The following CACHD1 variants were observed in gnomAD, a reference collection of about 807,000 sequenced individuals.
The protein encoded by CACHD1 is cache domain containing 1, also known as VWFA and cache domain-containing protein 1.
Under a neutral mutation model 138.7 loss-of-function variants are expected in CACHD1, and 71 were observed. The ratio of observed to expected loss-of-function variants is 0.51; its 90% CI spans 0.42 to 0.62. The LOEUF is 0.62. Among genes scored for constraint, CACHD1 ranks in the 20% least tolerant of loss-of-function variants. The pLI, the probability that CACHD1 is intolerant of heterozygous loss-of-function variation, is 0.00. For missense variants in CACHD1, 1,389 were observed against 1,625.3 expected (o/e 0.85, Z 2.50); for synonymous variants, 578 against 591.5 (o/e 0.98, Z 0.33).
At chr1:64,653,386 TAA>T (rs60661882) in intron 10 of CACHD1, among the ~76,000 whole-genome samples, 1,212 of 108,430 alleles carry the variant, frequency 0.011, 14 homozygotes, top group African/African-American at 0.031. Flanking sequence ...TAAAAGAAGT[TAA>T]AAAAAAAAAA....
chr1:64,679,720 C>T lies in CACHD1; in HGVS notation c.3370C>T (p.Arg1124Trp), dbSNP rs1424195462. The part of the protein sequence containing the change: ...VYAYRHQIHR[R>W]SHQHMSPLAA... Reference sequence around the variant, plus strand: ...TGCCTACCGCCACCAGATTCATCGCCGGAGCCATCAGCATATGTCTCCTCT... The same window carrying T: ...TGCCTACCGCCACCAGATTCATCGCTGGAGCCATCAGCATATGTCTCCTCT... The change falls in exon 24 of 27, where the codon CGG becomes TGG. Residue 1124 changes from arginine to tryptophan, a missense_variant. Physicochemically the swap from Arg to Trp is moderately radical, Grantham distance 101. This residue lies in a region of CACHD1 where 250 missense variants were observed against 292.9 expected (regional missense o/e 0.85). Transcript: ENST00000651257. The T allele has an allele frequency of 1.2e-5, 20 of 1,613,974 alleles. No homozygotes were observed. Among genetic ancestry groups the T allele is most frequent in the South Asian group, 2.2e-5 (2 of 91,082 alleles).
intron 4 of CACHD1, among the ~76,000 whole-genome samples, chr1:64,627,828 T>C (rs1053018792): frequency 2.0e-5 from 3 of 152,184 alleles, no homozygotes; most frequent in African/African-American, 7.2e-5. Flanking sequence ...ACACTCACTG[T>C]GCATGCATTT....
At chr1:64,506,978 G>A (rs1434495478) in intron 1 of CACHD1, among the ~76,000 whole-genome samples, 1 of 152,186 alleles carries the variant, frequency 6.6e-6, no homozygotes, top group African/African-American at 2.4e-5. Context: ...TTTTGTGACT[G>A]TTGTTAGGTA....
At position 64,537,750 on chromosome 1, in the gene CACHD1, A is replaced by G. The variant is rs1033455134; in HGVS notation, c.199-12844A>G. Among the ~76,000 whole-genome samples the G allele has an allele frequency of 4.6e-5, 7 of 152,304 alleles. No homozygotes were observed. In the Middle Eastern group the frequency reaches 0.01, roughly 222 times the overall value. ...ATTTTTAAAAAGTTACTATTTATTG[A>G]GCTCTTACTATATGCAAGAAATAAG... is the stretch of plus-strand genomic sequence containing the variant. On this transcript the variant is annotated intron_variant, in intron 1 of 26. Coordinates refer to ENST00000651257, the MANE Select transcript of CACHD1 (RefSeq NM_020925.4).
intron 16 of CACHD1, among the ~76,000 whole-genome samples, chr1:64,667,199 C>T (rs1287718446): frequency 2.0e-5 from 3 of 152,076 alleles, no homozygotes; most frequent in South Asian, 4.1e-4. Context: ...CTATTTTTTC[C>T]TAGCAACCAA....
At chr1:64,569,158 T>A (rs142504321) in intron 2 of CACHD1, among the ~76,000 whole-genome samples, 1,725 of 151,984 alleles carry the variant, frequency 0.011, 36 homozygotes, top group South Asian at 0.092. Context: ...CGACATCAGG[T>A]GATCCACCCA....
intron 3 of CACHD1, among the ~76,000 whole-genome samples, chr1:64,598,937 A>T (rs1039688658): frequency 7.7e-6 from 1 of 130,254 alleles, no homozygotes; most frequent in African/African-American, 3.3e-5. Flanking sequence ...ATTATATATT[A>T]ATATTAATAT....
At chr1:64,622,953 T>TA (rs1647968847) in intron 4 of CACHD1, among the ~76,000 whole-genome samples, 1 of 152,230 alleles carries the variant, frequency 6.6e-6, no homozygotes, top group African/African-American at 2.4e-5. Flanking sequence ...GCAGACTTTT[T>TA]ATCTCTCCAT....
At position 64,647,958 on chromosome 1, in the gene CACHD1, G is replaced by T. The variant is rs746548532; in HGVS notation, c.1314G>T (p.Arg438Ser). Residue 438 changes from arginine to serine, a missense_variant, in exon 9 of 27, where the codon AGG becomes AGT. By Grantham distance (110) the Arg-to-Ser change is moderately radical. Transcript: ENST00000651257. ...QLSNLETTVG[R>S]FYTNLPNRMI... Reference sequence around the variant, plus strand: ...GCAACCTGGAGACCACAGTGGGCAGGTTCTACACAAACCTTCCCAACCGGA... The same window carrying T: ...GCAACCTGGAGACCACAGTGGGCAGTTTCTACACAAACCTTCCCAACCGGA... The T allele has an allele frequency of 1.2e-5, 19 of 1,614,092 alleles. No individual in the cohort carries two copies. The highest frequency in any genetic ancestry group is 1.5e-5 in the Non-Finnish European group (18 of 1,179,996).
chr1:64,583,327 C>G (rs965820930), intron 3 of CACHD1, among the ~76,000 whole-genome samples: 4 of 152,156 alleles, frequency 2.6e-5, no homozygotes, highest in Non-Finnish European at 5.9e-5. Context: ...GTTCTCTAAA[C>G]TAAATGGAAA....
chr1:64,577,436 AT>A (rs1646976930), intron 2 of CACHD1, among the ~76,000 whole-genome samples: 1 of 152,310 alleles, frequency 6.6e-6, no homozygotes, highest in South Asian at 2.1e-4. Context: ...GTTAAAATTG[AT>A]TTGAAAAGAA....
At chr1:64,489,317 C>T (rs1646260774) in intron 1 of CACHD1, among the ~76,000 whole-genome samples, 1 of 152,048 alleles carries the variant, frequency 6.6e-6, no homozygotes, top group Non-Finnish European at 1.5e-5. Flanking sequence ...CCTTTGTGGG[C>T]TTTGTGGATG....
chr1:64,521,954 A>G (rs2100377788), intron 1 of CACHD1, among the ~76,000 whole-genome samples: 1 of 144,406 alleles, frequency 6.9e-6, no homozygotes, highest in African/African-American at 2.6e-5. Context: ...TTGATGCACA[A>G]AAGTTTTTAA....
chr1:64,673,053 A>G, intron 17 of CACHD1, 105 bp from the exon 18 acceptor site: 1 of 923,750 alleles, frequency 1.1e-6, no homozygotes, highest in South Asian at 1.4e-5. Flanking sequence ...AACCTGGGAT[A>G]AATGCAGTTT....
At chr1:64,621,344 A>G (rs1413163839) in intron 4 of CACHD1, among the ~76,000 whole-genome samples, 1 of 152,070 alleles carries the variant, frequency 6.6e-6, no homozygotes, top group Non-Finnish European at 1.5e-5. Flanking sequence ...GTGCTGACTT[A>G]TATCTTCTAA....
chr1:64,644,949 T>C (rs1272543052), intron 8 of CACHD1, among the ~76,000 whole-genome samples: 1 of 152,100 alleles, frequency 6.6e-6, no homozygotes, highest in African/African-American at 2.4e-5. Flanking sequence ...ATACAGAAAT[T>C]AGCCAAGTGT....
At chr1:64,611,165 A>G (rs1260176259) in intron 4 of CACHD1, among the ~76,000 whole-genome samples, 2 of 152,078 alleles carry the variant, frequency 1.3e-5, no homozygotes, top group Admixed American at 1.3e-4. Flanking sequence ...CAAAGAAACC[A>G]TTTATTCCTC....
intron 2 of CACHD1, among the ~76,000 whole-genome samples, chr1:64,557,855 A>G (rs1479661194): frequency 6.6e-6 from 1 of 151,970 alleles, no homozygotes; most frequent in Non-Finnish European, 1.5e-5. Flanking sequence ...CTGGAGTGCA[A>G]TGCAGCGATC....
At chr1:64,607,444 G>T in intron 4 of CACHD1, among the ~76,000 whole-genome samples, 1 of 152,130 alleles carries the variant, frequency 6.6e-6, no homozygotes, top group South Asian at 2.1e-4. Context: ...GATCCTAGAG[G>T]GTTCAAGCTC....
Sources: gnomAD v4.1 joint callset for allele counts (sites outside exome capture counted in the v4.1 genomes callset) on GRCh38, gnomAD v4.1.1 for gene constraint, gnomAD v4.1.1 regional missense constraint, MANE v1.5 for transcripts, NCBI Gene and HGNC (gene_info 2026-07-23, HGNC 2026-07-21) for gene names.